The following NCOA2 variants were observed in gnomAD, a reference collection of about 807,000 sequenced individuals.
NCOA2 encodes nuclear receptor coactivator 2.
In NCOA2, 21 loss-of-function variants were observed where a neutral mutation model predicts 145.1. The observed-to-expected ratio is 0.14, with a 90% CI of 0.10 to 0.21. The LOEUF is 0.21. Ranked by LOEUF, NCOA2 falls within the 10% of genes least tolerant of loss-of-function variation. NCOA2 has a pLI of 1.00. For synonymous variants in NCOA2, 619 were observed against 637.5 expected, an observed-to-expected ratio of 0.97 and a Z score of 0.44; for missense variants, 1,472 against 1,837.6, an observed-to-expected ratio of 0.80 and a Z score of 3.64.
chr8:70,304,052 G>A (rs923835453), intron 1 of NCOA2, among the ~76,000 whole-genome samples: 1 of 151,814 alleles, frequency 6.6e-6, no homozygotes, highest in Non-Finnish European at 1.5e-5. Flanking sequence ...CTGTTGCAAC[G>A]ACCATTCTGA....
intron 1 of NCOA2, among the ~76,000 whole-genome samples, chr8:70,358,088 A>G (rs1809894867): frequency 2.0e-5 from 3 of 152,056 alleles, no homozygotes; most frequent in Admixed American, 1.3e-4. Context: ...AAAAAACCCT[A>G]CAAAACACTC....
intron 1 of NCOA2, among the ~76,000 whole-genome samples, chr8:70,377,316 GA>G (rs1002841441): frequency 1.1e-4 from 15 of 142,028 alleles, no homozygotes; most frequent in Non-Finnish European, 1.5e-4. Context: ...AACTTGACAA[GA>G]AAAAAAAAAC....
intron 2 of NCOA2, among the ~76,000 whole-genome samples, chr8:70,279,804 G>A (rs1376679486): frequency 6.6e-6 from 1 of 152,216 alleles, no homozygotes; most frequent in Non-Finnish European, 1.5e-5. Context: ...AGGCAGAGCT[G>A]CTAATGACCT....
intron 2 of NCOA2, among the ~76,000 whole-genome samples, chr8:70,276,831 T>C (rs1676964854): frequency 6.6e-6 from 1 of 152,202 alleles, no homozygotes; most frequent in South Asian, 2.1e-4. Flanking sequence ...TTCTCTCAAA[T>C]TCTGATATAC....
the NCOA2 span, among the ~76,000 whole-genome samples, chr8:70,427,336 GAAGAGT>G: frequency 6.6e-6 from 1 of 152,114 alleles, no homozygotes; most frequent in East Asian, 1.9e-4. Context: ...CTTTAAAAAG[GAAGAGT>G]AAGATATCAT....
intron 11 of NCOA2, 83 bp from the exon 12 acceptor site, chr8:70,148,566 G>T: frequency 7.9e-7 from 1 of 1,265,128 alleles, no homozygotes; most frequent in Non-Finnish European, 1.1e-6. Flanking sequence ...TGACCTAACT[G>T]CCATAAGGCA....
intron 1 of NCOA2, among the ~76,000 whole-genome samples, chr8:70,389,819 C>T (rs1586666021): frequency 6.6e-6 from 1 of 151,786 alleles, no homozygotes; most frequent in East Asian, 1.9e-4. Context: ...CAGGTGCCCA[C>T]CGCACCCAGC....
Position 70,184,786 on chromosome 8 carries a change from T to C in NCOA2, c.260-9927A>G, listed in dbSNP as rs895982343. Among the ~76,000 whole-genome samples, 6 of 152,332 alleles carry C rather than the reference T, an allele frequency of 3.9e-5. 1 individual carries two copies. The highest frequency in any genetic ancestry group is 3.9e-4 in the Admixed American group (6 of 15,292). On this transcript the variant is annotated intron_variant, in intron 4 of 22. Transcript: ENST00000452400. Reference sequence around the variant, plus strand: ...GCTCTGCCACCAACCCTCATTTCTATGAAGCTTGCAAGGCTTCACACCCAG... The same window carrying C: ...GCTCTGCCACCAACCCTCATTTCTACGAAGCTTGCAAGGCTTCACACCCAG...
chr8:70,332,642 T>A (rs943777094), intron 1 of NCOA2, among the ~76,000 whole-genome samples: 1 of 152,156 alleles, frequency 6.6e-6, no homozygotes, highest in African/African-American at 2.4e-5. Context: ...TGTATTACAA[T>A]TTAAATAGAT....
At chr8:70,303,862 T>C (rs758675689) in intron 1 of NCOA2, among the ~76,000 whole-genome samples, 6 of 152,052 alleles carry the variant, frequency 3.9e-5, no homozygotes, top group Non-Finnish European at 5.9e-5. Context: ...TCAGGGATAG[T>C]TCCCCACCAA....
chr8:70,421,176 C>T, the NCOA2 span, among the ~76,000 whole-genome samples: 1 of 151,894 alleles, frequency 6.6e-6, no homozygotes, highest in Admixed American at 6.6e-5. Context: ...CAGACTAATA[C>T]ACTAAGAGGA....
chr8:70,266,148 T>C (rs1563699350), intron 2 of NCOA2, among the ~76,000 whole-genome samples: 2 of 152,166 alleles, frequency 1.3e-5, no homozygotes, highest in African/African-American at 4.8e-5. Flanking sequence ...AGACTCCGTC[T>C]CAAAAACAAA....
intron 1 of NCOA2, chr8:70,402,524 C>G (rs1814387160): frequency 1.3e-5 from 2 of 152,274 alleles, no homozygotes; most frequent in Non-Finnish European, 2.9e-5. Context: ...AGAGGCGCCT[C>G]TGGGACTCCC....
chr8:70,193,772 T>C (rs1456671175), intron 4 of NCOA2, among the ~76,000 whole-genome samples: 1 of 152,186 alleles, frequency 6.6e-6, no homozygotes, highest in Non-Finnish European at 1.5e-5. Flanking sequence ...GTAGACAGGC[T>C]TAAATAAGAA....
chr8:70,243,539 A>AT (rs1385619270), intron 2 of NCOA2, among the ~76,000 whole-genome samples: 22 of 152,204 alleles, frequency 1.4e-4, no homozygotes, highest in Admixed American at 2.0e-4. Context: ...ATACCTTTTA[A>AT]TTATTACAAA....
chr8:70,329,191 G>T (rs1806862267), intron 1 of NCOA2, among the ~76,000 whole-genome samples: 1 of 152,054 alleles, frequency 6.6e-6, no homozygotes, highest in South Asian at 2.1e-4. Context: ...TGCTATCACA[G>T]CTCACCGTAG....
intron 1 of NCOA2, among the ~76,000 whole-genome samples, chr8:70,400,795 G>A (rs1814161130): frequency 6.6e-6 from 1 of 152,160 alleles, no homozygotes; most frequent in African/African-American, 2.4e-5. Flanking sequence ...GAACACATTT[G>A]TAAGATTTGG....
At chr8:70,327,959 T>C (rs1806744434) in intron 1 of NCOA2, among the ~76,000 whole-genome samples, 1 of 152,184 alleles carries the variant, frequency 6.6e-6, no homozygotes, top group African/African-American at 2.4e-5. Context: ...AAGATTGTCA[T>C]TAACCTTACC....
At chr8:70,171,123 C>T (rs1180980913) in intron 5 of NCOA2, among the ~76,000 whole-genome samples, 1 of 152,114 alleles carries the variant, frequency 6.6e-6, no homozygotes, top group Non-Finnish European at 1.5e-5. Flanking sequence ...AGCACGCTTC[C>T]GGTAATGAGT....
Sources: gnomAD v4.1 joint callset for allele counts (sites outside exome capture counted in the v4.1 genomes callset) on GRCh38, gnomAD v4.1.1 for gene constraint, MANE v1.5 for transcripts, NCBI Gene and HGNC (gene_info 2026-07-23, HGNC 2026-07-21) for gene names.